The following NFILZ variants were observed in gnomAD, a reference collection of about 807,000 sequenced individuals.
The protein encoded by NFILZ is NFIL3 like basic leucine zipper.
intron 3 of NFILZ, among the ~76,000 whole-genome samples, chr19:8,671,416 A>AG (rs1330489250): frequency 1.4e-5 from 2 of 143,178 alleles, no homozygotes; most frequent in East Asian, 4.3e-4. Context: ...GGCGGTGGTT[A>AG]GGGGGGTTCA....
At chr19:8,664,448 C>T (rs1403506527) in intron 3 of NFILZ, among the ~76,000 whole-genome samples, 1 of 152,146 alleles carries the variant, frequency 6.6e-6, no homozygotes, top group African/African-American at 2.4e-5. Context: ...CCAACGGCTT[C>T]CGGTCTCTTC....
chr19:8,678,219 A>ATCCGTCCG lies in NFILZ; in HGVS notation c.*591_*592insGTCCGTCC. 7.7e-6 allele frequency among the ~76,000 whole-genome samples: 1 copy of ATCCGTCCG among 130,200 alleles called. No individual in the cohort carries two copies. Among genetic ancestry groups the ATCCGTCCG allele is most frequent in the Non-Finnish European group, 1.6e-5 (1 of 60,990 alleles). 85.4% of individuals were successfully genotyped at this position (130,200 alleles called of 152,430 possible). A position where few individuals can be genotyped will look rare whatever the true frequency, so the allele number is the denominator to read the frequency against. Reference sequence around the variant, plus strand: ...CATCTATCCATCCATCCATTCATCCATCCGTCCATCCATTCAGCCATCCAT... The same window carrying ATCCGTCCG: ...CATCTATCCATCCATCCATTCATCCATCCGTCCGTCCGTCCATCCATTCAGCCATCCAT... On this transcript the variant is annotated 3_prime_UTR_variant, in exon 6 of 6. Coordinates refer to ENST00000691075, the MANE Select transcript of NFILZ (RefSeq NM_001378600.1).
At chr19:8,652,764 T>A (rs2042969646) in intron 3 of NFILZ, among the ~76,000 whole-genome samples, 1 of 152,114 alleles carries the variant, frequency 6.6e-6, no homozygotes, top group African/African-American at 2.4e-5. Flanking sequence ...TTTCTTTCTT[T>A]CTTTTTTTCC....
intron 3 of NFILZ, among the ~76,000 whole-genome samples, chr19:8,663,766 GTGTGTA>G (rs2043048442): frequency 5.3e-5 from 8 of 150,632 alleles, no homozygotes; most frequent in African/African-American, 1.7e-4. Context: ...GTGTGTGTGT[GTGTGTA>G]TGTATGTGTG....
At chr19:8,670,662 T>C (rs2146170884) in intron 3 of NFILZ, among the ~76,000 whole-genome samples, 1 of 152,310 alleles carries the variant, frequency 6.6e-6, no homozygotes, top group Non-Finnish European at 1.5e-5. Flanking sequence ...TATAGAATCC[T>C]GCAAGGCTTT....
chr19:8,657,230 C>A (rs2967686), intron 3 of NFILZ, among the ~76,000 whole-genome samples: 128,160 of 150,706 alleles, frequency 0.85, 55,804 homozygotes, highest in Non-Finnish European at 0.95. Flanking sequence ...GCTCAGCCTC[C>A]TGAGTAGCTG....
At chr19:8,653,002 TCC>T (rs2042973591) in intron 3 of NFILZ, among the ~76,000 whole-genome samples, 2,503 of 27,838 alleles carry the variant, frequency 0.09, 52 homozygotes, top group East Asian at 0.12. Flanking sequence ...CTTCCTTCCT[TCC>T]TTCCTTCCTT....
chr19:8,678,155 A>T lies in NFILZ; in HGVS notation c.*520A>T, dbSNP rs1555751010. ...CATCCATTCATCCACTTGTCCGTCC[A>T]TCCATCCATCCATCCATCCATCCAT... On this transcript the variant is annotated 3_prime_UTR_variant, in exon 6 of 6. Transcript: ENST00000691075. Among the ~76,000 whole-genome samples, 7 of 8,884 alleles carry T rather than the reference A, an allele frequency of 7.9e-4. No homozygotes were observed. Among genetic ancestry groups the T allele is most frequent in the Non-Finnish European group, 1.5e-3 (6 of 4,082 alleles). The allele number at this position is 8,884 out of a possible 152,430, so 5.8% of individuals were successfully genotyped here.
intron 3 of NFILZ, among the ~76,000 whole-genome samples, chr19:8,640,442 C>T (rs1056402263): frequency 1.3e-5 from 2 of 151,426 alleles, no homozygotes; most frequent in Admixed American, 6.6e-5. Flanking sequence ...GCGTGATGAC[C>T]GGCTTGGAGT....
chr19:8,631,973 A>G (rs8112022), intron 1 of NFILZ, among the ~76,000 whole-genome samples: 34,521 of 151,530 alleles, frequency 0.23, 4,069 homozygotes, highest in Middle Eastern at 0.35. Flanking sequence ...GGGTTCAAGC[A>G]ATTCTTTCGT....
rs1427645809 is a variant in NFILZ, at chr19:8,678,994, G to T, written c.*1359G>T. ...CTAGGGTGTCTGAATCCCCCTTCTT[G>T]GTGTCCCCTGGGGGGCTTGCTTACC... On this transcript the variant is annotated 3_prime_UTR_variant, in exon 6 of 6. Transcript: ENST00000691075. Among the ~76,000 whole-genome samples the T allele has an allele frequency of 6.6e-6, 1 of 152,102 alleles. No individual in the cohort carries two copies. The highest frequency in any genetic ancestry group is 2.4e-5 in the African/African-American group (1 of 41,412).
chr19:8,663,772 A>ATGTGTGTATGTGTGTGTG (rs1555749471), intron 3 of NFILZ, among the ~76,000 whole-genome samples: 2 of 77,026 alleles, frequency 2.6e-5, no homozygotes, highest in African/African-American at 1.6e-4. Context: ...GTGTGTGTGT[A>ATGTGTGTATGTGTGTGTG]TGTATGTGTG....
At chr19:8,669,468 AGCAGGTGTTCTTAATCC>A (rs112621754) in intron 3 of NFILZ, among the ~76,000 whole-genome samples, 2,170 of 152,302 alleles carry the variant, frequency 0.014, 59 homozygotes, top group African/African-American at 0.049. Context: ...ACCCAGTTAA[AGCAGGTGTTCTTAATCC>A]TGCCTATTTC....
chr19:8,670,849 G>T (rs782055091), intron 3 of NFILZ, among the ~76,000 whole-genome samples: 1 of 152,142 alleles, frequency 6.6e-6, no homozygotes, highest in African/African-American at 2.4e-5. Context: ...ACAAAAATTA[G>T]TCAGGCGTGG....
At chr19:8,658,553 G>A (rs566464564) in intron 3 of NFILZ, among the ~76,000 whole-genome samples, 11 of 152,282 alleles carry the variant, frequency 7.2e-5, no homozygotes, top group Non-Finnish European at 1.5e-4. Flanking sequence ...TGCCTGGGGG[G>A]ACTGGGGTGG....
At chr19:8,653,479 C>T (rs935585900) in intron 3 of NFILZ, among the ~76,000 whole-genome samples, 2 of 152,102 alleles carry the variant, frequency 1.3e-5, no homozygotes, top group African/African-American at 4.8e-5. Context: ...CAGCTGGTGT[C>T]AAATACACCA....
At chr19:8,665,602 A>G (rs1229152082) in intron 3 of NFILZ, among the ~76,000 whole-genome samples, 3 of 152,128 alleles carry the variant, frequency 2.0e-5, no homozygotes, top group African/African-American at 7.2e-5. Flanking sequence ...CAGCCTCCCA[A>G]AGTGCTGGAA....
chr19:8,649,836 C>T (rs970357660), intron 3 of NFILZ, among the ~76,000 whole-genome samples: 1 of 151,970 alleles, frequency 6.6e-6, no homozygotes, highest in Admixed American at 6.6e-5. Context: ...ATCTTTTGGC[C>T]GGGCGTGGTA....
intron 3 of NFILZ, among the ~76,000 whole-genome samples, chr19:8,659,892 C>A (rs1053569604): frequency 2.6e-5 from 4 of 151,936 alleles, no homozygotes; most frequent in Non-Finnish European, 4.4e-5. Context: ...GGGGGAAGGA[C>A]GGCCACCTCT....
Sources: allele counts gnomAD v4.1 joint callset (sites outside exome capture counted in the v4.1 genomes callset), GRCh38; gene constraint gnomAD v4.1.1; transcripts MANE v1.5; gene names NCBI Gene and HGNC (gene_info 2026-07-23, HGNC 2026-07-21).